Variants in ATRX observed in about 807,000 individuals in gnomAD.
ATRX encodes the protein chromatin remodeler ATRX.
A neutral mutation model predicts 172.6 loss-of-function variants in ATRX; 12 were observed. That is an observed-to-expected ratio of 0.07 (90% CI 0.04 to 0.11). ATRX has a LOEUF of 0.11. Among genes scored for constraint, ATRX ranks in the 10% least tolerant of loss-of-function variants. ATRX has a pLI of 1.00. For missense variants in ATRX, 1,368 were observed against 1,767.4 expected (o/e 0.77, Z 4.05); for synonymous variants, 674 against 594.7 (o/e 1.13, Z -1.94).
intron 1 of ATRX, among the ~76,000 whole-genome samples, chrX:77,766,653 T>C (rs1416177016): frequency 3.0e-5 from 3 of 101,125 alleles, no homozygotes; most frequent in East Asian, 3.3e-4. Context: ...CCTCACTTCC[T>C]AGATGGGATG....
intron 30 of ATRX, among the ~76,000 whole-genome samples, chrX:77,528,534 G>A (rs1213819679): frequency 9.3e-6 from 1 of 108,058 alleles, no homozygotes; most frequent in Admixed American, 1.0e-4. Context: ...CAAACCCCCA[G>A]CTAACCACAG....
At chrX:77,561,775 T>C (rs1486079991) in intron 28 of ATRX, 4 of 111,347 alleles carry the variant, frequency 3.6e-5, no homozygotes, top group African/African-American at 1.3e-4. Context: ...CTCCCATATA[T>C]CCTTCACTCT....
chrX:77,674,709 C>G (rs781910915), intron 10 of ATRX: 6 of 110,923 alleles, frequency 5.4e-5, no homozygotes, highest in Non-Finnish European at 9.5e-5. Context: ...TGAGTAACAT[C>G]TGAGGCCTCA....
At chrX:77,710,926 G>C (rs1349505200) in intron 2 of ATRX, among the ~76,000 whole-genome samples, 1 of 86,777 alleles carries the variant, frequency 1.2e-5, no homozygotes, top group Non-Finnish European at 2.4e-5. Context: ...AAAATGTATA[G>C]AACTTTAACA....
At chrX:77,518,265 A>G (rs782180149) in intron 34 of ATRX, among the ~76,000 whole-genome samples, 1 of 112,383 alleles carries the variant, frequency 8.9e-6, no homozygotes, top group South Asian at 3.7e-4. Context: ...GGTATTTGGA[A>G]AAACCTAAAG....
rs782353107 is a variant in ATRX at position 77,505,248 on chromosome X, G to A, written c.*3103C>T. ...TGTAACTGCTCTTAAAGTTTTGTTT[G>A]GGGCACATAAATATCGATCTGATTT... is the stretch of plus-strand genomic sequence containing the variant. On this transcript the variant is annotated 3_prime_UTR_variant, in exon 35 of 35. Transcript: ENST00000373344. The A allele has an allele frequency of 5.8e-6, 1 of 172,815 alleles. No homozygotes were observed. Among genetic ancestry groups the A allele is most frequent in the Admixed American group, 8.0e-5 (1 of 12,491 alleles). 14.2% of individuals were successfully genotyped at this position (172,815 alleles called of 1,213,427 possible).
At chrX:77,508,706 A>G (rs185188289) in intron 34 of ATRX, 77 bp from the exon 35 acceptor site, 69 of 1,086,920 alleles carry the variant, frequency 6.3e-5, no homozygotes, top group Admixed American at 1.1e-4. Context: ...CTTAAAATCA[A>G]TTTGTTAAGG....
intron 30 of ATRX, among the ~76,000 whole-genome samples, chrX:77,543,494 A>C (rs1305778902): frequency 1.8e-5 from 2 of 112,311 alleles, no homozygotes; most frequent in East Asian, 2.8e-4. Flanking sequence ...TTCTACTATA[A>C]AGATACATGC....
At chrX:77,587,436 C>T (rs2066068034) in intron 27 of ATRX, among the ~76,000 whole-genome samples, 1 of 111,586 alleles carries the variant, frequency 9.0e-6, no homozygotes, top group East Asian at 2.8e-4. Flanking sequence ...ATGACAAACA[C>T]ATTTAACAAA....
intron 26 of ATRX, among the ~76,000 whole-genome samples, chrX:77,590,199 T>C (rs1210625201): frequency 9.0e-6 from 1 of 110,966 alleles, no homozygotes. Flanking sequence ...ACCAAGACAG[T>C]GTAGTAAAGG....
intron 22 of ATRX, among the ~76,000 whole-genome samples, chrX:77,614,628 G>A (rs2067284503): frequency 9.0e-6 from 1 of 111,684 alleles, no homozygotes; most frequent in East Asian, 2.8e-4. Flanking sequence ...GGGAGTGCAT[G>A]TGATATTTTG....
rs2076739809 is a variant in ATRX, at chrX:77,786,142, C to T, written c.-141G>A. On this transcript the variant is annotated 5_prime_UTR_variant, in exon 1 of 35. Coordinates refer to ENST00000373344, the MANE Select transcript of ATRX (RefSeq NM_000489.6). ...TGGAACCTCCCCACAGCTCAAAGGCCGCTACCACTGCCACCGCCGCAGGAG... is the reference window on the plus strand; with the variant it reads ...TGGAACCTCCCCACAGCTCAAAGGCTGCTACCACTGCCACCGCCGCAGGAG... 2.9e-6 allele frequency: 2 copies of T among 684,494 alleles called. No homozygotes were observed. Among genetic ancestry groups the T allele is most frequent in the Non-Finnish European group, 4.2e-6 (2 of 477,888 alleles). The allele number at this position is 684,494 out of a possible 1,213,427, so 56.4% of individuals were successfully genotyped here.
At chrX:77,773,511 T>C (rs782371684) in intron 1 of ATRX, among the ~76,000 whole-genome samples, 13 of 111,496 alleles carry the variant, frequency 1.2e-4, no homozygotes, top group African/African-American at 4.2e-4. Flanking sequence ...CCCAGCACTT[T>C]GAAAGGCCAA....
intron 2 of ATRX, among the ~76,000 whole-genome samples, chrX:77,715,783 C>T (rs1296066733): frequency 1.8e-5 from 2 of 111,219 alleles, no homozygotes; most frequent in East Asian, 2.8e-4. Flanking sequence ...ATGCTCAGCC[C>T]GTATCTCTCC....
chrX:77,768,592 C>A (rs2076051959), intron 1 of ATRX, among the ~76,000 whole-genome samples: 1 of 111,597 alleles, frequency 9.0e-6, no homozygotes, highest in Non-Finnish European at 1.9e-5. Flanking sequence ...GAACCACACC[C>A]ATGTTTCCTT....
intron 30 of ATRX, among the ~76,000 whole-genome samples, chrX:77,530,652 A>C (rs2063545082): frequency 1.1e-5 from 1 of 92,597 alleles, no homozygotes; most frequent in Non-Finnish European, 2.2e-5. Context: ...CAAAACTAGA[A>C]AGATTTCACG....
chrX:77,770,657 GGACA>G (rs2076124762), intron 1 of ATRX, among the ~76,000 whole-genome samples: 1 of 112,149 alleles, frequency 8.9e-6, no homozygotes, highest in African/African-American at 3.2e-5. Flanking sequence ...GTCAAGATCA[GGACA>G]GACAAAGAGA....
chrX:77,748,693 T>C (rs2075184489), intron 1 of ATRX, among the ~76,000 whole-genome samples: 1 of 109,441 alleles, frequency 9.1e-6, no homozygotes, highest in African/African-American at 3.3e-5. Flanking sequence ...TTCAAGTGAT[T>C]TTCCCGCCTC....
rs1053732712 is a variant in ATRX, at chrX:77,702,003, T to C, written c.134-3374A>G. Among the ~76,000 whole-genome samples, 9 of 110,683 alleles carry C rather than the reference T, an allele frequency of 8.1e-5. 1 individual carries two copies. In the South Asian group the frequency reaches 3.0e-3, roughly 37 times the overall value. On this transcript the variant is annotated intron_variant, in intron 2 of 34. Coordinates refer to ENST00000373344, the MANE Select transcript of ATRX (RefSeq NM_000489.6). The stretch of plus-strand genomic sequence containing the variant: ...GTCACTTGAACCCAGGGGGTAGAGG[T>C]TGCAGTGAGCTGAGGTCATGCCACT...
Sources: allele counts gnomAD v4.1 joint callset (sites outside exome capture counted in the v4.1 genomes callset), GRCh38; gene constraint gnomAD v4.1.1; transcripts MANE v1.5; gene names NCBI Gene and HGNC (gene_info 2026-07-23, HGNC 2026-07-21).